The following CAMK2A variants were observed in gnomAD, a reference collection of about 807,000 sequenced individuals.
CAMK2A encodes calcium/calmodulin dependent protein kinase II alpha.
A neutral mutation model predicts 79.2 loss-of-function variants in CAMK2A; 7 were observed. That is an observed-to-expected ratio of 0.09 (90% CI 0.05 to 0.17). The LOEUF is 0.17. Among genes scored for constraint, CAMK2A ranks in the 10% least tolerant of loss-of-function variants. The pLI is 1.00. For synonymous variants in CAMK2A, 242 were observed against 251.7 expected (o/e 0.96, Z 0.36); for missense variants, 214 against 646.4 (o/e 0.33, Z 7.25).
intron 18 of CAMK2A, 38 bp from the exon 19 acceptor site, chr5:150,222,751 G>A: frequency 6.2e-7 from 1 of 1,613,458 alleles, no homozygotes; most frequent in African/African-American, 1.3e-5. Flanking sequence ...AGGGCATGGT[G>A]TTTCCTGCTT....
Position 150,221,807 on chromosome 5 carries a change from C to T in CAMK2A, c.*903G>A, listed in dbSNP as rs1345488107. 2.5e-6 allele frequency: 1 copy of T among 392,778 alleles called. No individual in the cohort carries two copies. The highest frequency in any genetic ancestry group is 4.5e-6 in the Non-Finnish European group (1 of 223,326). 24.3% of individuals were successfully genotyped at this position (392,778 alleles called of 1,614,324 possible). ...ACTACCCCTCACCCCTCTTCCTACA[C>T]CCCTTCCAACCTGACCCTTCTCACA... On this transcript the variant is annotated 3_prime_UTR_variant, in exon 19 of 19. Transcript: ENST00000671881.
At chr5:150,289,306 T>C (rs1439081239) in intron 1 of CAMK2A, among the ~76,000 whole-genome samples, 2 of 152,230 alleles carry the variant, frequency 1.3e-5, no homozygotes, top group Non-Finnish European at 2.9e-5. Context: ...TGTATGTGTG[T>C]GCACTGGCAT....
chr5:150,285,017 T>G (rs768583160), intron 1 of CAMK2A, among the ~76,000 whole-genome samples: 14 of 152,350 alleles, frequency 9.2e-5, no homozygotes, highest in Non-Finnish European at 2.1e-4. Context: ...AGCAAGTGAT[T>G]CACCCAGGAT....
intron 13 of CAMK2A, among the ~76,000 whole-genome samples, chr5:150,244,945 TC>T (rs1421037686): frequency 6.7e-6 from 1 of 150,340 alleles, no homozygotes; most frequent in Non-Finnish European, 1.5e-5. Context: ...CCTCCTCCAG[TC>T]CCCCCTCTCC....
intron 13 of CAMK2A, among the ~76,000 whole-genome samples, chr5:150,243,233 TTCTC>T (rs139412113): frequency 5.6e-4 from 85 of 152,312 alleles, no homozygotes; most frequent in African/African-American, 2.0e-3. Context: ...CCAGGGCAGC[TTCTC>T]TCTCTACTTC....
chr5:150,285,861 T>C (rs1453052855), intron 1 of CAMK2A, among the ~76,000 whole-genome samples: 1 of 152,170 alleles, frequency 6.6e-6, no homozygotes, highest in African/African-American at 2.4e-5. Context: ...CTTTCTACCT[T>C]TCTAACCTCT....
Position 150,220,218 on chromosome 5 carries a change from AACTTGCCCAAGGTC to A in CAMK2A, c.*2478_*2491del, listed in dbSNP as rs1166040881. The A allele has an allele frequency of 6.6e-6, 1 of 152,308 alleles. No individual in the cohort carries two copies. Among genetic ancestry groups the A allele is most frequent in the African/African-American group, 2.4e-5 (1 of 41,450 alleles). The allele number at this position is 152,308 out of a possible 1,614,324, so 9.4% of individuals were successfully genotyped here. Reference sequence around the variant, plus strand: ...AAACCAAGCTCCAAAGAGGGAAAGGAACTTGCCCAAGGTCACACAGCAAGTCTGGTCAGAGCTGG... The same window carrying A: ...AAACCAAGCTCCAAAGAGGGAAAGGAACACAGCAAGTCTGGTCAGAGCTGG... On this transcript the variant is annotated 3_prime_UTR_variant, in exon 19 of 19. Transcript: ENST00000671881.
rs540805486 is a variant in CAMK2A at position 150,253,767 on chromosome 5, C to T, written c.412-221G>A. Among the ~76,000 whole-genome samples the T allele has an allele frequency of 2.0e-4, 31 of 152,306 alleles. No homozygotes were observed. The South Asian group carries it at 6.4e-3, about 32-fold the overall frequency. On this transcript the variant is annotated intron_variant, in intron 6 of 18. Coordinates refer to ENST00000671881, the MANE Select transcript of CAMK2A (RefSeq NM_015981.4). ...CCTCCATCCGCTACAACAGAAAGGC[C>T]CTTTCTCCATCAGCCACTCCTCCCT...
At chr5:150,263,832 G>T (rs3776820) in intron 3 of CAMK2A, among the ~76,000 whole-genome samples, 21,486 of 152,228 alleles carry the variant, frequency 0.14, 1,677 homozygotes, top group East Asian at 0.26. Flanking sequence ...GAGGACATTA[G>T]TAGGTCAGGG....
chr5:150,237,822 TA>T (rs1755148422), intron 15 of CAMK2A, among the ~76,000 whole-genome samples: 1 of 152,142 alleles, frequency 6.6e-6, no homozygotes, highest in Admixed American at 6.5e-5. Flanking sequence ...CGGCCCTTAT[TA>T]CTATTTTTGT....
At chr5:150,287,038 A>G (rs775949435) in intron 1 of CAMK2A, among the ~76,000 whole-genome samples, 7 of 152,174 alleles carry the variant, frequency 4.6e-5, no homozygotes, top group Non-Finnish European at 8.8e-5. Context: ...GTGATGAGGG[A>G]CAGCGCCTGT....
Position 150,289,638 on chromosome 5 carries a change from C to T in CAMK2A, c.-13G>A, listed in dbSNP as rs1278552241. On this transcript the variant is annotated 5_prime_UTR_variant, in exon 1 of 19. Coordinates refer to ENST00000671881, the MANE Select transcript of CAMK2A (RefSeq NM_015981.4). ...TGATGGTGGCCATCCTGGCGCTGGG[C>T]AGGCAGGTGAGGCTTGGGACTGGGG... The T allele has an allele frequency of 2.5e-6, 4 of 1,612,660 alleles. No individual in the cohort carries two copies. Among genetic ancestry groups the T allele is most frequent in the Admixed American group, 3.3e-5 (2 of 59,990 alleles).
chr5:150,268,711 G>A (rs1756613953), intron 2 of CAMK2A, among the ~76,000 whole-genome samples: 1 of 152,202 alleles, frequency 6.6e-6, no homozygotes, highest in African/African-American at 2.4e-5. Flanking sequence ...AAGTGGCAGG[G>A]CTGAGATTTC....
At chr5:150,224,581 A>G (rs568526940) in intron 17 of CAMK2A, among the ~76,000 whole-genome samples, 1 of 152,288 alleles carries the variant, frequency 6.6e-6, no homozygotes, top group East Asian at 1.9e-4. Context: ...AAAATCACCA[A>G]GTCTTAGGCA....
intron 1 of CAMK2A, among the ~76,000 whole-genome samples, chr5:150,274,618 C>A (rs1195810594): frequency 6.6e-6 from 1 of 152,222 alleles, no homozygotes; most frequent in East Asian, 1.9e-4. Flanking sequence ...GTCTCCTGGG[C>A]AGGCTTCCCA....
Position 150,239,706 on chromosome 5 carries a change from T to A in CAMK2A, c.1015A>T (p.Met339Leu). ...GTTAGGAGACGGCAGACACTCACCA[T>A]TAACTGAACGCTGGAACTGGACTTT... ...KRKSSSSVQL[M>L]ESSESTNTTI... The change falls in exon 14 of 19, where the codon ATG (methionine) becomes TTG (leucine). Residue 339 changes from methionine to leucine, a missense_variant and splice_region_variant. Met to Leu is a conservative substitution (Grantham distance 15). Around this residue, in one of 4 missense-constraint regions of CAMK2A, gnomAD observed 123 missense variants for 242.4 expected, o/e 0.51. Coordinates refer to ENST00000671881, the MANE Select transcript of CAMK2A (RefSeq NM_015981.4). 2 of 1,613,914 alleles carry A rather than the reference T, an allele frequency of 1.2e-6. No homozygotes were observed. Among genetic ancestry groups the A allele is most frequent in the Non-Finnish European group, 1.7e-6 (2 of 1,179,872 alleles).
chr5:150,278,638 A>G (rs9686770), intron 1 of CAMK2A, among the ~76,000 whole-genome samples: 57,562 of 151,518 alleles, frequency 0.38, 13,646 homozygotes, highest in African/African-American at 0.68. Flanking sequence ...TGGGTGTGAG[A>G]GCTGTGGCGG....
At chr5:150,289,394 C>T (rs1375137437) in intron 1 of CAMK2A, among the ~76,000 whole-genome samples, 170 bp downstream of exon 1, 5 of 152,186 alleles carry the variant, frequency 3.3e-5, no homozygotes, top group African/African-American at 1.2e-4. Context: ...AACATACCCA[C>T]GCCCGACTCT....
At chr5:150,259,566 A>G (rs1756214599) in intron 3 of CAMK2A, among the ~76,000 whole-genome samples, 2 of 152,226 alleles carry the variant, frequency 1.3e-5, no homozygotes, top group Admixed American at 1.3e-4. Context: ...ACATTCTTTA[A>G]TGATGATATA....
Sources: gnomAD v4.1 joint callset for allele counts (sites outside exome capture counted in the v4.1 genomes callset) on GRCh38, gnomAD v4.1.1 for gene constraint, gnomAD v4.1.1 regional missense constraint, MANE v1.5 for transcripts, NCBI Gene and HGNC (gene_info 2026-07-23, HGNC 2026-07-21) for gene names.